Variants in IL5RA observed in about 807,000 individuals in gnomAD.
IL5RA encodes interleukin-5 receptor subunit alpha.
In IL5RA, 49 loss-of-function variants were observed where a neutral mutation model predicts 50.0. The ratio of observed to expected loss-of-function variants is 0.98; its 90% confidence interval spans 0.78 to 1.24. The LOEUF is 1.24. IL5RA is among the 50% of genes most tolerant of loss of function. IL5RA has a pLI of 0.00. For missense variants in IL5RA, 600 were observed against 500.4 expected, an observed-to-expected ratio of 1.20 and a Z score of -1.90; for synonymous variants, 202 against 174.0, an observed-to-expected ratio of 1.16 and a Z score of -1.26.
chr3:3,081,453 A>G (rs991391719), intron 9 of IL5RA, among the ~76,000 whole-genome samples: 4 of 152,118 alleles, frequency 2.6e-5, no homozygotes, highest in South Asian at 2.1e-4. Context: ...ACATCAGCAG[A>G]AAAAAAGTTA....
chr3:3,073,118 A>G (rs79513495), intron 11 of IL5RA, among the ~76,000 whole-genome samples: 1,981 of 152,320 alleles, frequency 0.013, 37 homozygotes, highest in African/African-American at 0.045. Context: ...TTCTTTTGCC[A>G]GCCTCCATTC....
intron 9 of IL5RA, among the ~76,000 whole-genome samples, chr3:3,087,601 T>G (rs930322805): frequency 5.4e-5 from 8 of 149,520 alleles, no homozygotes; most frequent in Admixed American, 6.8e-5. Flanking sequence ...AGTCATTTAG[T>G]ATCTCAGGAC....
chr3:3,104,774 G>C (rs1400760750), intron 3 of IL5RA, 129 bp downstream of exon 3: 1 of 514,758 alleles, frequency 1.9e-6, no homozygotes, highest in Non-Finnish European at 3.5e-6. Context: ...TCTTCTGATG[G>C]GGATAAATAT....
chr3:3,107,347 T>C (rs542637869), intron 2 of IL5RA, among the ~76,000 whole-genome samples: 1 of 149,690 alleles, frequency 6.7e-6, no homozygotes, highest in South Asian at 2.2e-4. Context: ...CTGCTCACTC[T>C]CTGTGGCCCC....
intron 5 of IL5RA, 86 bp from the exon 6 acceptor site, chr3:3,098,376 C>CTTTCCACTGGAGGCCAATGCAGA: frequency 8.4e-7 from 1 of 1,196,200 alleles, no homozygotes; most frequent in Admixed American, 2.1e-5. Flanking sequence ...GTGATGTGAA[C>CTTTCCACTGGAGGCCAATGCAGA]GTCGTATTCA....
chr3:3,079,737 A>G (rs984211928), intron 9 of IL5RA, among the ~76,000 whole-genome samples: 1 of 152,212 alleles, frequency 6.6e-6, no homozygotes, highest in East Asian at 1.9e-4. Context: ...TGGTTTTAGA[A>G]AAGCAGTGCC....
At position 3,110,060 on chromosome 3, in the gene IL5RA, T is replaced by C. The variant is rs1704110927; in HGVS notation, c.-261A>G. 1.3e-5 allele frequency: 2 copies of C among 152,206 alleles called. No homozygotes were observed. The highest frequency in any genetic ancestry group is 2.9e-5 in the Non-Finnish European group (2 of 68,050). 9.4% of individuals were successfully genotyped at this position (152,206 alleles called of 1,614,324 possible). ...TTCTTCACTCTTTCATCATCACGGC[T>C]GTAATGGTTAAAAACTCTCAGGCAG... On this transcript the variant is annotated 5_prime_UTR_variant, in exon 1 of 12. Coordinates refer to ENST00000446632, the MANE Select transcript of IL5RA (RefSeq NM_175726.4).
intron 9 of IL5RA, among the ~76,000 whole-genome samples, chr3:3,081,902 C>G (rs1486875417): frequency 6.6e-6 from 1 of 152,186 alleles, no homozygotes; most frequent in Admixed American, 6.5e-5. Flanking sequence ...GGCTACTCCC[C>G]TATAGCTAGT....
intron 9 of IL5RA, among the ~76,000 whole-genome samples, chr3:3,082,767 C>T (rs1702713250): frequency 6.6e-6 from 1 of 152,184 alleles, no homozygotes; most frequent in Non-Finnish European, 1.5e-5. Context: ...CCTTTTAGGG[C>T]TGCAGTCTCT....
At chr3:3,098,431 A>AGAGT in intron 5 of IL5RA, 141 bp from the exon 6 acceptor site, 1 of 721,686 alleles carries the variant, frequency 1.4e-6, no homozygotes, top group Non-Finnish European at 2.3e-6. Context: ...CCCTTGAGAC[A>AGAGT]GAGCCTCACT....
chr3:3,105,025 G>A (rs919745049), intron 2 of IL5RA, 38 bp from the exon 3 acceptor site: 4 of 1,378,526 alleles, frequency 2.9e-6, no homozygotes, highest in Non-Finnish European at 3.1e-6. Context: ...TCATCTTGTT[G>A]CTATTTTTAA....
intron 11 of IL5RA, among the ~76,000 whole-genome samples, chr3:3,072,079 C>A (rs1301709556): frequency 6.6e-6 from 1 of 152,238 alleles, no homozygotes; most frequent in Non-Finnish European, 1.5e-5. Context: ...CCCATAGCAC[C>A]AATGTGCCCT....
chr3:3,107,173 T>C (rs1389053331), intron 2 of IL5RA, among the ~76,000 whole-genome samples: 1 of 152,104 alleles, frequency 6.6e-6, no homozygotes, highest in Non-Finnish European at 1.5e-5. Context: ...TAAAAAGAGG[T>C]GCTTTTGAAC....
At chr3:3,080,836 A>T (rs1702638340) in intron 9 of IL5RA, among the ~76,000 whole-genome samples, 1 of 152,122 alleles carries the variant, frequency 6.6e-6, no homozygotes, top group Non-Finnish European at 1.5e-5. Context: ...CTGGGACCAC[A>T]GGCACGCATC....
chr3:3,075,383 TG>T (rs1256729527), intron 10 of IL5RA, among the ~76,000 whole-genome samples: 3 of 151,562 alleles, frequency 2.0e-5, no homozygotes, highest in Admixed American at 6.6e-5. Context: ...TTGTATTTTT[TG>T]TAGAGACAGG....
At position 3,092,814 on chromosome 3, in the gene IL5RA, G is replaced by C. The variant is rs17882872; in HGVS notation, c.856-452C>G. The stretch of plus-strand genomic sequence containing the variant: ...CTTTTTCCTTCTACTGATCATGGTC[G>C]CCACCATCCAGCTAGTCCCCTGTAC... On this transcript the variant is annotated intron_variant, in intron 8 of 11. Coordinates refer to ENST00000446632, the MANE Select transcript of IL5RA (RefSeq NM_175726.4). The surrounding 1 kb of genome is among the most constrained non-coding windows in gnomAD (Gnocchi z 4.2). Among the ~76,000 whole-genome samples the C allele has an allele frequency of 6.6e-6, 1 of 151,940 alleles. No homozygotes were observed. Among genetic ancestry groups the C allele is most frequent in the Non-Finnish European group, 1.5e-5 (1 of 68,012 alleles).
intron 9 of IL5RA, among the ~76,000 whole-genome samples, chr3:3,087,367 G>T (rs1702908125): frequency 6.6e-6 from 1 of 152,048 alleles, no homozygotes; most frequent in Non-Finnish European, 1.5e-5. Context: ...GGCTGGCCAG[G>T]GACCTTACCA....
chr3:3,076,338 C>G (rs999070706), intron 10 of IL5RA, among the ~76,000 whole-genome samples, 193 bp downstream of exon 10: 5 of 152,136 alleles, frequency 3.3e-5, no homozygotes, highest in African/African-American at 1.2e-4. Flanking sequence ...CTCTGTCCAA[C>G]TTCTGTAAAT....
At chr3:3,087,781 A>G (rs920355784) in intron 9 of IL5RA, among the ~76,000 whole-genome samples, 3 of 152,156 alleles carry the variant, frequency 2.0e-5, no homozygotes, top group African/African-American at 7.2e-5. Flanking sequence ...TAGCAGCAAA[A>G]TCGCCTGATG....
Sources: gnomAD v4.1 joint callset for allele counts (sites outside exome capture counted in the v4.1 genomes callset) on GRCh38, gnomAD v4.1.1 for gene constraint, Gnocchi (gnomAD v3.1) non-coding constraint, MANE v1.5 for transcripts, NCBI Gene and HGNC (gene_info 2026-07-23, HGNC 2026-07-21) for gene names.